Variants in CRIM1 observed in about 807,000 individuals in gnomAD.
CRIM1 encodes cysteine rich transmembrane BMP regulator 1.
Under a neutral mutation model 116.4 loss-of-function variants are expected in CRIM1, and 32 were observed. The observed-to-expected ratio is 0.27, with a 90% CI of 0.21 to 0.37. CRIM1 has a LOEUF of 0.37. Ranked by LOEUF, CRIM1 falls within the 10% of genes least tolerant of loss-of-function variation. The pLI is 1.00. For synonymous variants in CRIM1, 590 were observed against 509.2 expected, an observed-to-expected ratio of 1.16 and a Z score of -2.13; for missense variants, 1,331 against 1,354.8, an observed-to-expected ratio of 0.98 and a Z score of 0.28.
intron 3 of CRIM1, among the ~76,000 whole-genome samples, 180 bp downstream of exon 3, chr2:36,441,680 A>G (rs1340585975): frequency 6.6e-6 from 1 of 152,186 alleles, no homozygotes; most frequent in Non-Finnish European, 1.5e-5. Flanking sequence ...AGAGAACCAG[A>G]GTGATCATCC....
intron 14 of CRIM1, among the ~76,000 whole-genome samples, chr2:36,542,041 G>A (rs761296204): frequency 1.3e-5 from 2 of 152,132 alleles, no homozygotes; most frequent in African/African-American, 2.4e-5. Flanking sequence ...CTCTTCCCTT[G>A]GACTTGAGGA....
chr2:36,455,699 A>AT (rs1677084539), intron 4 of CRIM1, among the ~76,000 whole-genome samples: 1 of 152,154 alleles, frequency 6.6e-6, no homozygotes. Context: ...GGATGTGGGG[A>AT]TTCTCAGTCT....
intron 5 of CRIM1, among the ~76,000 whole-genome samples, chr2:36,467,465 CTGT>C: frequency 6.6e-6 from 1 of 152,228 alleles, no homozygotes; most frequent in South Asian, 2.1e-4. Flanking sequence ...CTGGAAAAAT[CTGT>C]TGTTGTAAGG....
At chr2:36,546,100 A>C (rs1419471576) in intron 15 of CRIM1, among the ~76,000 whole-genome samples, 1 of 152,158 alleles carries the variant, frequency 6.6e-6, no homozygotes, top group African/African-American at 2.4e-5. Context: ...CATGAGCTGA[A>C]TTTCCAGAAC....
intron 8 of CRIM1, among the ~76,000 whole-genome samples, chr2:36,503,807 C>T (rs1681181129): frequency 3.3e-5 from 5 of 152,078 alleles, no homozygotes; most frequent in Admixed American, 3.3e-4. Context: ...AAACCTTTTT[C>T]ACATACAGTA....
At chr2:36,526,949 G>GT (rs1401514915) in intron 13 of CRIM1, among the ~76,000 whole-genome samples, 1 of 152,168 alleles carries the variant, frequency 6.6e-6, no homozygotes, top group Non-Finnish European at 1.5e-5. Flanking sequence ...AATAGCTCAT[G>GT]TGTTGGCTAA....
chr2:36,505,227 G>T (rs1332123830), intron 8 of CRIM1, among the ~76,000 whole-genome samples: 1 of 152,170 alleles, frequency 6.6e-6, no homozygotes, highest in Non-Finnish European at 1.5e-5. Context: ...TGTAGGAATT[G>T]CCAGCATCTA....
intron 7 of CRIM1, among the ~76,000 whole-genome samples, chr2:36,493,761 T>G (rs1680394510): frequency 6.6e-6 from 1 of 152,210 alleles, no homozygotes; most frequent in African/African-American, 2.4e-5. Context: ...TAATACAGAT[T>G]AGACAGCAAT....
chr2:36,414,847 G>C (rs983313874), intron 2 of CRIM1, among the ~76,000 whole-genome samples: 1 of 152,194 alleles, frequency 6.6e-6, no homozygotes, highest in Admixed American at 6.5e-5. Flanking sequence ...CAGTTACACA[G>C]ACAACATGGT....
intron 1 of CRIM1, among the ~76,000 whole-genome samples, chr2:36,379,406 A>T (rs533836907): frequency 9.9e-4 from 151 of 152,338 alleles, no homozygotes; most frequent in Non-Finnish European, 1.7e-3. Context: ...GTCACAGGAC[A>T]TCTGATTTAT....
intron 8 of CRIM1, among the ~76,000 whole-genome samples, chr2:36,508,488 G>T (rs1158550243): frequency 6.6e-6 from 1 of 152,124 alleles, no homozygotes; most frequent in African/African-American, 2.4e-5. Context: ...CAATATTCAT[G>T]CTTAAAGGAC....
intron 7 of CRIM1, among the ~76,000 whole-genome samples, chr2:36,490,606 A>G (rs1680159900): frequency 6.6e-6 from 1 of 152,186 alleles, no homozygotes; most frequent in Admixed American, 6.5e-5. Flanking sequence ...TCTGTGGCCC[A>G]GCCTTTGATC....
In CRIM1 at chr2:36,517,290, G is replaced by C. The variant is rs148984583; in HGVS notation, c.1991-37G>C. 3.8e-5 allele frequency: 59 copies of C among 1,553,830 alleles called. No individual in the cohort carries two copies. In the East Asian group the frequency reaches 1.3e-3, roughly 35 times the overall value. The stretch of plus-strand genomic sequence containing the variant: ...GCTTTCAAGAGTTGGAAAGATTGCA[G>C]ATGAATAATGTGTTCTGATTTTGTG... On this transcript the variant is annotated intron_variant, in intron 11 of 16. Coordinates refer to ENST00000280527, the MANE Select transcript of CRIM1 (RefSeq NM_016441.3).
chr2:36,370,430 T>G (rs1283977567), intron 1 of CRIM1, among the ~76,000 whole-genome samples: 1 of 152,126 alleles, frequency 6.6e-6, no homozygotes, highest in Non-Finnish European at 1.5e-5. Flanking sequence ...CAACCAAGTT[T>G]ATTGACTGTC....
In CRIM1 at chr2:36,544,357, A is replaced by G. The variant is rs376445963; in HGVS notation, c.2624-19A>G. On this transcript the variant is annotated intron_variant, in intron 14 of 16. Transcript: ENST00000280527. The stretch of plus-strand genomic sequence containing the variant: ...CAGCAGCTTCATCATCTCTTAGGAA[A>G]AATGTTCCCTTCTTTTAGAAATGTA... 149 of 1,335,894 alleles carry G rather than the reference A, an allele frequency of 1.1e-4. No individual in the cohort carries two copies. Among genetic ancestry groups the G allele is most frequent in the Middle Eastern group, 6.0e-4 (3 of 5,038 alleles). The allele number at this position is 1,335,894 out of a possible 1,614,324, so 82.8% of individuals were successfully genotyped here. A position where few individuals can be genotyped will look rare whatever the true frequency, so the allele number is the denominator to read the frequency against.
chr2:36,385,445 A>C (rs1186680577), intron 1 of CRIM1, among the ~76,000 whole-genome samples: 1 of 152,204 alleles, frequency 6.6e-6, no homozygotes, highest in Non-Finnish European at 1.5e-5. Context: ...GGTCTTAGCA[A>C]AGAACCTCTC....
At chr2:36,531,921 C>G in intron 13 of CRIM1, 1 of 471,024 alleles carries the variant, frequency 2.1e-6, no homozygotes, top group South Asian at 1.5e-5. Flanking sequence ...TAAGCAGCCC[C>G]ATGGAAGGAC....
intron 13 of CRIM1, 53 bp downstream of exon 13, chr2:36,522,366 G>A (rs1665453424): frequency 1.5e-6 from 2 of 1,342,850 alleles, no homozygotes; most frequent in East Asian, 2.3e-5. Flanking sequence ...CACTAAATCT[G>A]TATTGACAGC....
At chr2:36,447,510 C>T (rs1050863119) in intron 4 of CRIM1, among the ~76,000 whole-genome samples, 10 of 152,170 alleles carry the variant, frequency 6.6e-5, no homozygotes, top group African/African-American at 2.4e-4. Context: ...GGCAGGTTGA[C>T]TGAGACTGGA....
Sources: allele counts gnomAD v4.1 joint callset (sites outside exome capture counted in the v4.1 genomes callset), GRCh38; gene constraint gnomAD v4.1.1; transcripts MANE v1.5; gene names NCBI Gene and HGNC (gene_info 2026-07-23, HGNC 2026-07-21).